The following DOCK3 variants were observed in gnomAD, a reference collection of about 807,000 sequenced individuals.
DOCK3 encodes dedicator of cytokinesis 3.
DOCK3 carries 60 observed loss-of-function variants against 265.6 expected under a neutral mutation model. That is an observed-to-expected ratio of 0.23 (90% CI 0.18 to 0.28). The LOEUF is 0.28. Among genes scored for constraint, DOCK3 ranks in the 10% least tolerant of loss-of-function variants. The pLI, the probability that DOCK3 is intolerant of heterozygous loss-of-function variation, is 1.00. For synonymous variants in DOCK3, 881 were observed against 938.0 expected (o/e 0.94, Z 1.11); for missense variants, 1,981 against 2,594.3 (o/e 0.76, Z 5.14).
chr3:51,173,864 T>A (rs998305214), intron 12 of DOCK3, among the ~76,000 whole-genome samples: 1 of 152,200 alleles, frequency 6.6e-6, no homozygotes, highest in Non-Finnish European at 1.5e-5. Flanking sequence ...TTAGAACATT[T>A]TCAGCCAATA....
At chr3:50,702,778 A>G (rs751878951) in intron 1 of DOCK3, among the ~76,000 whole-genome samples, 1 of 151,448 alleles carries the variant, frequency 6.6e-6, no homozygotes, top group Non-Finnish European at 1.5e-5. Flanking sequence ...GTATAAGATC[A>G]TACTGTTTTC....
At chr3:50,750,889 C>T (rs2039756203) in intron 1 of DOCK3, among the ~76,000 whole-genome samples, 1 of 152,138 alleles carries the variant, frequency 6.6e-6, no homozygotes, top group Admixed American at 6.5e-5. Context: ...CAGATTTGCT[C>T]TAAGAGATCA....
intron 1 of DOCK3, among the ~76,000 whole-genome samples, chr3:50,681,156 C>T (rs535929510): frequency 3.6e-4 from 55 of 152,084 alleles, no homozygotes; most frequent in African/African-American, 1.2e-3. Context: ...ATTTCTAGTT[C>T]GTTTTATCAT....
At chr3:50,704,783 G>A (rs138727703) in intron 1 of DOCK3, among the ~76,000 whole-genome samples, 2 of 152,002 alleles carry the variant, frequency 1.3e-5, no homozygotes, top group Non-Finnish European at 2.9e-5. Context: ...GTGCCATGAC[G>A]CTCAGCTAAT....
At chr3:50,872,191 G>A (rs186342187) in intron 3 of DOCK3, among the ~76,000 whole-genome samples, 4 of 152,312 alleles carry the variant, frequency 2.6e-5, no homozygotes, top group Non-Finnish European at 5.9e-5. Flanking sequence ...TCTTAGGAAG[G>A]CCTTCCAGAT....
chr3:51,265,244 G>A (rs908650011), intron 23 of DOCK3, among the ~76,000 whole-genome samples: 2 of 152,118 alleles, frequency 1.3e-5, no homozygotes, highest in Admixed American at 6.6e-5. Context: ...AGGACCAGAC[G>A]GATTCACAGC....
Position 51,360,550 on chromosome 3 carries a change from G to T in DOCK3, c.4924G>T (p.Gly1642Cys), listed in dbSNP as rs1419733603. The change falls in exon 47 of 53, where the codon GGC becomes TGC. Residue 1642 changes from glycine (G) to cysteine (C), a missense_variant. Physicochemically the swap from Gly to Cys is radical, Grantham distance 159. Coordinates refer to ENST00000266037, the MANE Select transcript of DOCK3 (RefSeq NM_004947.5). ...GLDKLSPACS[G>C]TSTPRGNVLA... ...GGATAAGCTAAGTCCTGCATGTTCA[G>T]GCACCAGCACCCCACGGGGAAATGT... is the stretch of plus-strand genomic sequence containing the variant. 6.2e-7 allele frequency: 1 copy of T among 1,612,906 alleles called. No individual in the cohort carries two copies. The highest frequency in any genetic ancestry group is 1.3e-5 in the African/African-American group (1 of 74,892).
chr3:51,013,837 G>A (rs559304614), intron 5 of DOCK3, among the ~76,000 whole-genome samples: 2 of 152,306 alleles, frequency 1.3e-5, no homozygotes, highest in South Asian at 2.1e-4. Context: ...CCCAGTTTGA[G>A]CTTCCTGGCC....
chr3:51,380,035 C>T lies in DOCK3; in HGVS notation c.5501-90C>T, dbSNP rs1185440898. On this transcript the variant is annotated intron_variant, in intron 51 of 52. Transcript: ENST00000266037. ...TGAGGGGTCCCCAGGGGACTCTTCT[C>T]ATGCCTGCCCAGTTGGCCCAGCAAG... The T allele has an allele frequency of 3.1e-6, 4 of 1,290,942 alleles. No individual in the cohort carries two copies. The African/African-American group carries it at 5.8e-5, about 19-fold the overall frequency. 80.0% of individuals were successfully genotyped at this position (1,290,942 alleles called of 1,614,324 possible). A position where few individuals can be genotyped will look rare whatever the true frequency, so the allele number is the denominator to read the frequency against.
At chr3:50,740,130 GACT>G (rs1292276493) in intron 1 of DOCK3, among the ~76,000 whole-genome samples, 5 of 151,722 alleles carry the variant, frequency 3.3e-5, no homozygotes, top group African/African-American at 9.7e-5. Flanking sequence ...TACTCTTTTT[GACT>G]ACATTTCTCA....
chr3:51,202,967 G>A (rs183994521), intron 12 of DOCK3, among the ~76,000 whole-genome samples: 3 of 152,218 alleles, frequency 2.0e-5, no homozygotes, highest in South Asian at 2.1e-4. Flanking sequence ...AAATTCAACA[G>A]CCCTTCATGC....
At chr3:50,832,889 G>C (rs557706122) in intron 2 of DOCK3, among the ~76,000 whole-genome samples, 3 of 152,172 alleles carry the variant, frequency 2.0e-5, no homozygotes, top group African/African-American at 7.2e-5. Context: ...TCATAGCTCT[G>C]AGTTTCAACA....
chr3:50,906,891 T>C (rs2049541967), intron 4 of DOCK3, among the ~76,000 whole-genome samples: 3 of 152,150 alleles, frequency 2.0e-5, no homozygotes, highest in Admixed American at 1.3e-4. Flanking sequence ...TTGTGGGCAT[T>C]TAGTGCTATA....
At chr3:50,977,559 C>G (rs1049934628) in intron 5 of DOCK3, among the ~76,000 whole-genome samples, 2 of 152,162 alleles carry the variant, frequency 1.3e-5, no homozygotes, top group African/African-American at 2.4e-5. Flanking sequence ...CGACCTTTCT[C>G]TTTGGCTACC....
At chr3:50,716,353 C>T (rs1001795810) in intron 1 of DOCK3, among the ~76,000 whole-genome samples, 2 of 151,802 alleles carry the variant, frequency 1.3e-5, no homozygotes, top group Non-Finnish European at 2.9e-5. Context: ...TGGTGAAACC[C>T]CATCTCTACT....
At chr3:50,865,904 T>C (rs1280616371) in intron 3 of DOCK3, among the ~76,000 whole-genome samples, 1 of 152,234 alleles carries the variant, frequency 6.6e-6, no homozygotes, top group Non-Finnish European at 1.5e-5. Flanking sequence ...TGATGATCAG[T>C]GATGTTGAGT....
chr3:50,983,594 A>G (rs1208671611), intron 5 of DOCK3, among the ~76,000 whole-genome samples: 1 of 152,142 alleles, frequency 6.6e-6, no homozygotes, highest in East Asian at 1.9e-4. Context: ...TAGGAGCTGA[A>G]CACTCATTGG....
intron 9 of DOCK3, among the ~76,000 whole-genome samples, chr3:51,126,182 AT>A (rs2084256261): frequency 1.3e-5 from 2 of 152,158 alleles, no homozygotes; most frequent in South Asian, 4.1e-4. Context: ...TTCAACCTTC[AT>A]TCATTTATTT....
At chr3:51,327,315 A>G (rs2084193235) in intron 32 of DOCK3, among the ~76,000 whole-genome samples, 1 of 152,218 alleles carries the variant, frequency 6.6e-6, no homozygotes, top group Non-Finnish European at 1.5e-5. Context: ...CAGTGACACC[A>G]AAGAGGAATG....
Sources: gnomAD v4.1 joint callset for allele counts (sites outside exome capture counted in the v4.1 genomes callset) on GRCh38, gnomAD v4.1.1 for gene constraint, MANE v1.5 for transcripts, NCBI Gene and HGNC (gene_info 2026-07-23, HGNC 2026-07-21) for gene names.